The following GGNBP2 variants were observed in gnomAD, a reference collection of about 807,000 sequenced individuals.
GGNBP2 encodes gametogenetin-binding protein 2.
Under a neutral mutation model 85.9 loss-of-function variants are expected in GGNBP2, and 10 were observed. The ratio of observed to expected loss-of-function variants is 0.12; its 90% CI spans 0.07 to 0.20. The LOEUF (loss-of-function observed/expected upper bound fraction) is 0.20. Among genes scored for constraint, GGNBP2 ranks in the 10% least tolerant of loss-of-function variants. The pLI, the probability that GGNBP2 is intolerant of heterozygous loss-of-function variation, is 1.00. For synonymous variants in GGNBP2, 287 were observed against 285.7 expected (o/e 1.00, Z -0.05); for missense variants, 595 against 857.8 (o/e 0.69, Z 3.83).
intron 5 of GGNBP2, among the ~76,000 whole-genome samples, chr17:36,564,764 C>G (rs2074452609): frequency 1.3e-5 from 2 of 152,072 alleles, no homozygotes; most frequent in South Asian, 4.2e-4. Flanking sequence ...TGCTACATCC[C>G]CACCCCCCAT....
chr17:36,563,287 T>A (rs931158666), intron 5 of GGNBP2, among the ~76,000 whole-genome samples: 1 of 151,850 alleles, frequency 6.6e-6, no homozygotes, highest in Non-Finnish European at 1.5e-5. Flanking sequence ...AATAAATAAA[T>A]AAAATAAATT....
intron 2 of GGNBP2, among the ~76,000 whole-genome samples, chr17:36,552,303 G>C (rs933643058): frequency 1.3e-5 from 2 of 152,022 alleles, no homozygotes; most frequent in African/African-American, 4.8e-5. Flanking sequence ...CTATTTTATT[G>C]CTTTTATTAT....
intron 4 of GGNBP2, among the ~76,000 whole-genome samples, chr17:36,559,939 A>G (rs1369187253): frequency 6.6e-6 from 1 of 151,994 alleles, no homozygotes; most frequent in South Asian, 2.1e-4. Flanking sequence ...GATTCAAGTG[A>G]TTCTCGTGCC....
intron 4 of GGNBP2, among the ~76,000 whole-genome samples, chr17:36,558,097 G>A (rs2074380533): frequency 6.7e-6 from 1 of 149,816 alleles, no homozygotes; most frequent in African/African-American, 2.5e-5. Context: ...GGGCGACAGA[G>A]CGAGACTCCG....
chr17:36,559,414 G>A lies in GGNBP2; in HGVS notation c.429-1359G>A, dbSNP rs191562190. Among the ~76,000 whole-genome samples, 21 of 151,840 alleles carry A rather than the reference G, an allele frequency of 1.4e-4. No homozygotes were observed. In the East Asian group the frequency reaches 2.5e-3, roughly 18 times the overall value. On this transcript the variant is annotated intron_variant, in intron 4 of 13. Transcript: ENST00000613102. ...TTGGGTGTGCTAAGTTTGAGATAGCGATTAGACATCCAAATAGAATTCAGA... is the reference window on the plus strand; with the variant it reads ...TTGGGTGTGCTAAGTTTGAGATAGCAATTAGACATCCAAATAGAATTCAGA...
At chr17:36,571,549 C>T (rs1479765217) in intron 6 of GGNBP2, among the ~76,000 whole-genome samples, 1 of 151,300 alleles carries the variant, frequency 6.6e-6, no homozygotes, top group Non-Finnish European at 1.5e-5. Context: ...CTCCATCTCA[C>T]AAAAAAAACA....
intron 2 of GGNBP2, chr17:36,547,759 C>G (rs924746241): frequency 6.6e-6 from 1 of 152,220 alleles, no homozygotes; most frequent in Non-Finnish European, 1.5e-5. Context: ...TTAAATATCT[C>G]AAAATAACAT....
At chr17:36,560,298 T>C (rs1274828759) in intron 4 of GGNBP2, among the ~76,000 whole-genome samples, 2 of 152,242 alleles carry the variant, frequency 1.3e-5, no homozygotes, top group Admixed American at 6.5e-5. Context: ...TGGCAAACTT[T>C]GCTCATTGGT....
intron 2 of GGNBP2, among the ~76,000 whole-genome samples, chr17:36,551,982 T>G (rs1351879633): frequency 1.3e-5 from 2 of 152,242 alleles, no homozygotes; most frequent in Non-Finnish European, 2.9e-5. Flanking sequence ...TGGAGAGATT[T>G]TGATTTGGTT....
In GGNBP2 at chr17:36,587,089, A is replaced by G. The variant is rs2074709686; in HGVS notation, c.1734A>G (p.Lys578=). The change falls in exon 13 of 14, where the codon AAA becomes AAG. Residue 578 remains lysine (K), a synonymous_variant. Transcript: ENST00000613102. ...CAGTGTTTCACCGTGACAAGACCAA[A>G]GATACACATCCTGAAAGCTGTTGCA... The part of the protein sequence containing the change: ...MHTVFHRDKT[K]DTHPESCCSS... 10 of 1,614,046 alleles carry G rather than the reference A, an allele frequency of 6.2e-6. No homozygotes were observed. Among genetic ancestry groups the G allele is most frequent in the Admixed American group, 3.3e-5 (2 of 59,996 alleles).
chr17:36,548,615 C>CAAAAAAAAAAAAAAAAAAAAAAAAAA (rs71159614), intron 2 of GGNBP2, among the ~76,000 whole-genome samples: 1 of 23,736 alleles, frequency 4.2e-5, no homozygotes, highest in Non-Finnish European at 8.4e-5. Flanking sequence ...GACTCTGTCT[C>CAAAAAAAAAAAAAAAAAAAAAAAAAA]AAAAAAAAAA....
chr17:36,547,698 A>T (rs1029626487), intron 2 of GGNBP2: 1 of 152,328 alleles, frequency 6.6e-6, no homozygotes, highest in South Asian at 2.1e-4. Flanking sequence ...TTTTGCTTTT[A>T]TTGTACTGTG....
chr17:36,559,635 AT>A (rs947152928), intron 4 of GGNBP2, among the ~76,000 whole-genome samples: 2 of 152,128 alleles, frequency 1.3e-5, no homozygotes, highest in African/African-American at 4.8e-5. Flanking sequence ...TCTGATTCAT[AT>A]TTTAAAAGGA....
In GGNBP2 at chr17:36,556,797, A is replaced by G. The variant is rs1037339586; in HGVS notation, c.175-286A>G. On this transcript the variant is annotated intron_variant, in intron 3 of 13. Coordinates refer to ENST00000613102, the MANE Select transcript of GGNBP2 (RefSeq NM_024835.5). Reference sequence around the variant, plus strand: ...TTTTTTTTTGTGAGAGGACTGGCCTAATACTCACTGAACCAGCCCTACATT... The same window carrying G: ...TTTTTTTTTGTGAGAGGACTGGCCTGATACTCACTGAACCAGCCCTACATT... Among the ~76,000 whole-genome samples the G allele has an allele frequency of 3.2e-5, 4 of 125,722 alleles. No homozygotes were observed. The Admixed American group carries it at 4.0e-4, about 13-fold the overall frequency. 82.5% of individuals were successfully genotyped at this position (125,722 alleles called of 152,430 possible). A position where few individuals can be genotyped will look rare whatever the true frequency, so the allele number is the denominator to read the frequency against.
chr17:36,582,906 A>G (rs1017352863), intron 9 of GGNBP2, among the ~76,000 whole-genome samples: 5 of 152,172 alleles, frequency 3.3e-5, no homozygotes, highest in African/African-American at 1.2e-4. Flanking sequence ...TTAAATGATA[A>G]ATTTTAAGCT....
intron 2 of GGNBP2, chr17:36,546,132 A>G: frequency 4.7e-6 from 2 of 424,798 alleles, no homozygotes; most frequent in Non-Finnish European, 8.3e-6. Context: ...GGGTTGAAGG[A>G]TCTTGGGCGT....
At chr17:36,548,364 C>T (rs539738432) in intron 2 of GGNBP2, among the ~76,000 whole-genome samples, 45 of 151,920 alleles carry the variant, frequency 3.0e-4, no homozygotes, top group African/African-American at 1.1e-3. Flanking sequence ...CTTGTAATCC[C>T]AGCACTTTGG....
At chr17:36,563,019 A>C (rs1408028591) in intron 5 of GGNBP2, among the ~76,000 whole-genome samples, 1 of 145,374 alleles carries the variant, frequency 6.9e-6, no homozygotes, top group African/African-American at 2.5e-5. Flanking sequence ...TAATCCCAGC[A>C]CTTTGGGAGG....
intron 13 of GGNBP2, among the ~76,000 whole-genome samples, chr17:36,588,125 C>G (rs111737877): frequency 6.6e-6 from 1 of 152,176 alleles, no homozygotes; most frequent in Non-Finnish European, 1.5e-5. Context: ...AGACTCCAGT[C>G]CTGAGACTTT....
Sources: gnomAD v4.1 joint callset for allele counts (sites outside exome capture counted in the v4.1 genomes callset) on GRCh38, gnomAD v4.1.1 for gene constraint, MANE v1.5 for transcripts, NCBI Gene and HGNC (gene_info 2026-07-23, HGNC 2026-07-21) for gene names.